BCO1: variants seen among roughly 807,000 people sequenced by gnomAD.
BCO1 encodes the protein beta-carotene oxygenase 1.
A neutral mutation model predicts 56.3 loss-of-function variants in BCO1; 54 were observed. The observed-to-expected ratio is 0.96, with a 90% CI of 0.77 to 1.20. The LOEUF (loss-of-function observed/expected upper bound fraction) is 1.20, where lower values mean the gene tolerates loss of function less well. BCO1 is among the 50% of genes most tolerant of loss of function. BCO1 has a pLI of 0.00. For missense variants in BCO1, 801 were observed against 690.9 expected (o/e 1.16, Z -1.79); for synonymous variants, 318 against 266.1 (o/e 1.20, Z -1.90).
intron 8 of BCO1, 100 bp downstream of exon 8, chr16:81,281,062 AGGGCC>A: frequency 1.2e-6 from 1 of 831,580 alleles, no homozygotes; most frequent in Non-Finnish European, 2.0e-6. Context: ...TGCATGGACA[AGGGCC>A]AAAAAGGAAA....
chr16:81,265,460 C>CCACCATCCATCCACCCACCACCCATA, intron 5 of BCO1, among the ~76,000 whole-genome samples: 1 of 151,012 alleles, frequency 6.6e-6, no homozygotes, highest in African/African-American at 2.4e-5. Context: ...CACCACCCAT[C>CCACCATCCATCCACCCACCACCCATA]CACCATCTAT....
intron 2 of BCO1, among the ~76,000 whole-genome samples, chr16:81,248,754 G>A (rs912976745): frequency 6.6e-6 from 1 of 152,178 alleles, no homozygotes; most frequent in Non-Finnish European, 1.5e-5. Flanking sequence ...GCTCACGCCT[G>A]TAATCCCAGC....
Position 81,285,520 on chromosome 16 carries a change from ACCT to A in BCO1, c.1208-15_1208-13del, listed in dbSNP as rs1253868296. On this transcript the variant is annotated splice_polypyrimidine_tract_variant and intron_variant, in intron 8 of 10. Transcript: ENST00000258168. The stretch of plus-strand genomic sequence containing the variant: ...GCCCCCAATGATAGGGGCTTCATCC[ACCT>A]CCTCATTTCCTTGTAGGCTTAGAGC... The A allele has an allele frequency of 1.9e-6, 3 of 1,570,730 alleles. No homozygotes were observed. The highest frequency in any genetic ancestry group is 2.2e-5 in the East Asian group (1 of 44,634).
chr16:81,258,536 C>T (rs1040509922), intron 2 of BCO1, among the ~76,000 whole-genome samples: 1 of 152,170 alleles, frequency 6.6e-6, no homozygotes, highest in African/African-American at 2.4e-5. Context: ...GGGAAAACCA[C>T]CCCACATATG....
At chr16:81,246,262 A>C (rs1905410324) in intron 2 of BCO1, among the ~76,000 whole-genome samples, 1 of 151,912 alleles carries the variant, frequency 6.6e-6, no homozygotes, top group African/African-American at 2.4e-5. Flanking sequence ...ATTACATTGA[A>C]TCCACTCAGA....
chr16:81,243,754 G>A lies in BCO1; in HGVS notation c.65-1721G>A, dbSNP rs151107125. On this transcript the variant is annotated intron_variant, in intron 1 of 10. Coordinates refer to ENST00000258168, the MANE Select transcript of BCO1 (RefSeq NM_017429.3). ...AAGTGCTGGGATTCAGGTATGCCTC[G>A]GCATGCCCAGCCTCCTGGTTTTGGT... 3.7e-4 allele frequency among the ~76,000 whole-genome samples: 57 copies of A among 152,210 alleles called. No homozygotes were observed. The East Asian group carries it at 0.011, about 28-fold the overall frequency.
At chr16:81,255,316 T>C (rs948481419) in intron 2 of BCO1, among the ~76,000 whole-genome samples, 2 of 152,172 alleles carry the variant, frequency 1.3e-5, no homozygotes, top group Admixed American at 6.6e-5. Context: ...GCTAGCTGTG[T>C]GGCTTAACAC....
intron 7 of BCO1, among the ~76,000 whole-genome samples, chr16:81,272,209 G>A (rs1398791129): frequency 6.7e-6 from 1 of 150,360 alleles, no homozygotes; most frequent in East Asian, 2.0e-4. Flanking sequence ...CGCCTCCCAG[G>A]TTCAAGCCAT....
chr16:81,270,036 G>A, intron 6 of BCO1, 123 bp from the exon 7 acceptor site: 1 of 1,250,316 alleles, frequency 8.0e-7, no homozygotes, highest in East Asian at 2.3e-5. Flanking sequence ...CACACAGAAT[G>A]CAGAATGGGG....
rs150757110 is a variant in BCO1, at chr16:81,268,460, C to T, written c.843+329C>T. On this transcript the variant is annotated intron_variant, in intron 6 of 10. Transcript: ENST00000258168. ...AGTCCTTATGGAGAGCTGGGCTCCT[C>T]CCCACCTCCGCCCTGTTGACAAGAC... Among the ~76,000 whole-genome samples the T allele has an allele frequency of 4.9e-3, 744 of 152,290 alleles. 4 individuals are homozygous for T. The highest frequency in any genetic ancestry group is 0.017 in the African/African-American group (722 of 41,560).
At chr16:81,266,467 C>T (rs1478290130) in intron 5 of BCO1, among the ~76,000 whole-genome samples, 4 of 152,078 alleles carry the variant, frequency 2.6e-5, no homozygotes, top group Non-Finnish European at 5.9e-5. Context: ...GCTCCCCCAT[C>T]CCCCACTGTC....
At chr16:81,273,561 C>T (rs74031606) in intron 7 of BCO1, among the ~76,000 whole-genome samples, 149 of 152,258 alleles carry the variant, frequency 9.8e-4, no homozygotes, top group African/African-American at 3.1e-3. Flanking sequence ...CCAGCATTTT[C>T]CCACCCATGG....
intron 1 of BCO1, among the ~76,000 whole-genome samples, chr16:81,243,200 G>T (rs1905217043): frequency 6.6e-6 from 1 of 152,102 alleles, no homozygotes; most frequent in African/African-American, 2.4e-5. Context: ...AGAACCCCCT[G>T]AACTGTACAT....
At chr16:81,242,192 CTTTTTTTTTTTTT>C (rs796252592) in intron 1 of BCO1, among the ~76,000 whole-genome samples, 30 of 78,758 alleles carry the variant, frequency 3.8e-4, no homozygotes, top group Non-Finnish European at 5.4e-4. Context: ...ACTTGGCTGT[CTTTTTTTTTTTTT>C]TTTTTTTTTT....
chr16:81,239,826 T>A (rs1021536528), intron 1 of BCO1, among the ~76,000 whole-genome samples: 16 of 152,170 alleles, frequency 1.1e-4, no homozygotes, highest in Non-Finnish European at 2.2e-4. Flanking sequence ...TCTTTTGAGT[T>A]GCCACTTTCC....
At chr16:81,241,961 C>T (rs1204750941) in intron 1 of BCO1, among the ~76,000 whole-genome samples, 1 of 152,158 alleles carries the variant, frequency 6.6e-6, no homozygotes, top group Non-Finnish European at 1.5e-5. Flanking sequence ...TGAATGTAGC[C>T]TGGCACCTCC....
At chr16:81,250,785 T>A (rs1905747084) in intron 2 of BCO1, among the ~76,000 whole-genome samples, 1 of 152,110 alleles carries the variant, frequency 6.6e-6, no homozygotes, top group South Asian at 2.1e-4. Context: ...CTCGCCATGT[T>A]GGCCAGGTTG....
intron 2 of BCO1, among the ~76,000 whole-genome samples, chr16:81,257,681 G>T (rs1267211385): frequency 1.3e-5 from 2 of 151,866 alleles, no homozygotes; most frequent in East Asian, 3.9e-4. Flanking sequence ...TTCGAGACCA[G>T]TCTGACCAAC....
Position 81,285,571 on chromosome 16 carries a change from C to T in BCO1, c.1239C>T (p.His413=), listed in dbSNP as rs975722875. Reference sequence around the variant, plus strand: ...AGCTTCCACGGGTCAATTATGCTCACAATGGAAAGCAATACCGATATGTCT... The same window carrying T: ...AGCTTCCACGGGTCAATTATGCTCATAATGGAAAGCAATACCGATATGTCT... ...GLELPRVNYA[H]NGKQYRYVFA... Residue 413 remains histidine, a synonymous_variant, in exon 9 of 11, where the codon CAC becomes CAT. Transcript: ENST00000258168. 2 of 1,613,770 alleles carry T rather than the reference C, an allele frequency of 1.2e-6. No homozygotes were observed. Among genetic ancestry groups the T allele is most frequent in the African/African-American group, 2.7e-5 (2 of 75,042 alleles).
Sources: gnomAD v4.1 joint callset for allele counts (sites outside exome capture counted in the v4.1 genomes callset) on GRCh38, gnomAD v4.1.1 for gene constraint, MANE v1.5 for transcripts, NCBI Gene and HGNC (gene_info 2026-07-23, HGNC 2026-07-21) for gene names.